The following PAK3 variants were observed in gnomAD, a reference collection of about 807,000 sequenced individuals.
PAK3 encodes p21 (RAC1) activated kinase 3.
A neutral mutation model predicts 41.0 loss-of-function variants in PAK3; 4 were observed. That is an observed-to-expected ratio of 0.10 (90% CI 0.05 to 0.22). PAK3 has a LOEUF of 0.22. Ranked by LOEUF, PAK3 falls within the 10% of genes least tolerant of loss-of-function variation. The pLI, the probability that PAK3 is intolerant of heterozygous loss-of-function variation, is 1.00. For missense variants in PAK3, 205 were observed against 409.9 expected, an observed-to-expected ratio of 0.50 and a Z score of 4.32; for synonymous variants, 146 against 139.6, an observed-to-expected ratio of 1.05 and a Z score of -0.32.
chrX:111,025,670 A>T (rs1010784136), intron 1 of PAK3, among the ~76,000 whole-genome samples: 2 of 110,902 alleles, frequency 1.8e-5, no homozygotes, highest in African/African-American at 6.5e-5. Flanking sequence ...ACAACAAAAA[A>T]TGTCCAGGAC....
Position 111,163,601 on chromosome X carries a change from G to T in PAK3, c.640G>T (p.Ala214Ser). 1 of 1,202,483 alleles carries T rather than the reference G, an allele frequency of 8.3e-7. No individual in the cohort carries two copies. The highest frequency in any genetic ancestry group is 1.1e-6 in the Non-Finnish European group (1 of 887,499). ...RSVVESIASP[A>S]VPNKEVTPPS... ...TGTGGTTGAATCCATTGCTTCACCA[G>T]CAGTACCAAATAAAGAGGTCACACC... Residue 214 changes from alanine (A) to serine (S), a missense_variant, in exon 10 of 18, where the codon GCA becomes TCA. Coordinates refer to ENST00000372007, the MANE Select transcript of PAK3 (RefSeq NM_002578.5).
chrX:111,020,432 A>G (rs1185990182), intron 1 of PAK3, among the ~76,000 whole-genome samples: 1 of 111,561 alleles, frequency 9.0e-6, no homozygotes, highest in Non-Finnish European at 1.9e-5. Flanking sequence ...TATTGGGTAT[A>G]CAGTTTCAGT....
intron 4 of PAK3, among the ~76,000 whole-genome samples, chrX:111,116,873 C>G (rs2093474238): frequency 8.9e-6 from 1 of 112,320 alleles, no homozygotes; most frequent in Admixed American, 9.4e-5. Context: ...GAGCTAGTGC[C>G]TCTCTTTCTT....
intron 6 of PAK3, 60 bp from the exon 7 acceptor site, chrX:111,147,677 C>A: frequency 2.3e-6 from 2 of 854,174 alleles, no homozygotes; most frequent in Non-Finnish European, 3.5e-6. Context: ...TTTACTGGAA[C>A]ATAAAAATGC....
chrX:111,082,146 C>T (rs2092839950), intron 1 of PAK3, among the ~76,000 whole-genome samples: 1 of 112,042 alleles, frequency 8.9e-6, no homozygotes, highest in Non-Finnish European at 1.9e-5. Flanking sequence ...TCCCCAGTAA[C>T]TGAGCAACTG....
At chrX:111,116,263 A>C (rs1157359426) in intron 4 of PAK3, among the ~76,000 whole-genome samples, 2 of 111,483 alleles carry the variant, frequency 1.8e-5, no homozygotes, top group Non-Finnish European at 3.8e-5. Context: ...TCTCTGAGGC[A>C]TCTCTTAGGG....
intron 1 of PAK3, among the ~76,000 whole-genome samples, chrX:110,965,308 C>T (rs1448999550): frequency 1.8e-5 from 2 of 112,007 alleles, no homozygotes; most frequent in Non-Finnish European, 3.8e-5. Flanking sequence ...AGTTTGGGGG[C>T]TTAAGCCCAC....
chrX:111,183,729 G>A (rs16986415), intron 11 of PAK3, among the ~76,000 whole-genome samples: 13,427 of 111,246 alleles, frequency 0.12, 1,614 homozygotes, highest in African/African-American at 0.37. Flanking sequence ...TAATGAAACT[G>A]ACCTGCTTTA....
At chrX:111,030,766 C>T (rs1195507832) in intron 1 of PAK3, among the ~76,000 whole-genome samples, 3 of 110,936 alleles carry the variant, frequency 2.7e-5, no homozygotes, top group African/African-American at 6.5e-5. Context: ...TGCCTCAAGA[C>T]ATCATGAAAT....
chrX:111,165,190 C>T (rs192776581), intron 10 of PAK3, among the ~76,000 whole-genome samples: 163 of 111,834 alleles, frequency 1.5e-3, no homozygotes, highest in African/African-American at 4.9e-3. Context: ...AGGCAAAGGT[C>T]GGAGTTGCAG....
chrX:111,205,590 T>C (rs1350304881), intron 16 of PAK3, among the ~76,000 whole-genome samples: 3 of 111,256 alleles, frequency 2.7e-5, no homozygotes, highest in African/African-American at 9.8e-5. Context: ...TGATGTGAAA[T>C]ATACTGTATA....
chrX:111,043,065 G>A (rs1023554877), intron 1 of PAK3, among the ~76,000 whole-genome samples: 3 of 111,150 alleles, frequency 2.7e-5, no homozygotes, highest in African/African-American at 9.8e-5. Flanking sequence ...TGAGGAGGGA[G>A]AATCACTTGA....
In PAK3 at chrX:111,075,724, T is replaced by C. The variant is rs569608799; in HGVS notation, c.-27-47353T>C. Among the ~76,000 whole-genome samples the C allele has an allele frequency of 1.5e-3, 172 of 112,183 alleles. 1 individual carries two copies. Among genetic ancestry groups the C allele is most frequent in the African/African-American group, 5.1e-3 (159 of 30,895 alleles). On this transcript the variant is annotated intron_variant, in intron 1 of 14. Coordinates refer to the PAK3 transcript ENST00000425146. ...GTAGGAAGGGGGTTGCTGCCCTCCA[T>C]ACACAAGAATAGTTGAGCCAGCAGC...
chrX:111,077,015 AT>A (rs1192816617), intron 1 of PAK3, among the ~76,000 whole-genome samples: 1 of 111,401 alleles, frequency 9.0e-6, no homozygotes, highest in Non-Finnish European at 1.9e-5. Context: ...ATAATGAACT[AT>A]CCCCCCCCAA....
chrX:111,036,012 T>C (rs1235173773), intron 1 of PAK3, among the ~76,000 whole-genome samples: 1 of 112,386 alleles, frequency 8.9e-6, no homozygotes, highest in Non-Finnish European at 1.9e-5. Context: ...AAGCCCATTC[T>C]TGTTTTCCCT....
intron 8 of PAK3, among the ~76,000 whole-genome samples, chrX:111,154,421 T>C (rs963657599): frequency 2.7e-5 from 3 of 111,865 alleles, no homozygotes; most frequent in African/African-American, 9.7e-5. Flanking sequence ...TTAGCTTCTC[T>C]GAGCTTCTTT....
At chrX:111,011,917 C>T (rs1228678157) in intron 1 of PAK3, among the ~76,000 whole-genome samples, 1 of 112,260 alleles carries the variant, frequency 8.9e-6, no homozygotes, top group East Asian at 2.8e-4. Context: ...TTTCAAACCA[C>T]TACATGATAC....
intron 1 of PAK3, among the ~76,000 whole-genome samples, chrX:111,054,833 G>C (rs1001402155): frequency 4.8e-4 from 53 of 111,385 alleles, no homozygotes; most frequent in Non-Finnish European, 1.7e-4. Flanking sequence ...TCTCCCTAAG[G>C]ATCTCCGGGC....
chrX:111,203,092 G>A (rs2094701778), intron 16 of PAK3, among the ~76,000 whole-genome samples: 3 of 111,469 alleles, frequency 2.7e-5, no homozygotes, highest in African/African-American at 9.8e-5. Flanking sequence ...GGGAAAAATG[G>A]CAATCAGGAA....
Sources: allele counts gnomAD v4.1 joint callset (sites outside exome capture counted in the v4.1 genomes callset), GRCh38; gene constraint gnomAD v4.1.1; transcripts MANE v1.5; gene names NCBI Gene and HGNC (gene_info 2026-07-23, HGNC 2026-07-21).